FBXO11: variants seen among roughly 807,000 people sequenced by gnomAD.
FBXO11 encodes F-box protein 11.
Under a neutral mutation model 117.0 loss-of-function variants are expected in FBXO11, and 13 were observed. The observed-to-expected ratio is 0.11, with a 90% CI of 0.07 to 0.18. FBXO11 has a LOEUF of 0.18. Among genes scored for constraint, FBXO11 ranks in the 10% least tolerant of loss-of-function variants. FBXO11 has a pLI of 1.00. For synonymous variants in FBXO11, 490 were observed against 380.5 expected (o/e 1.29, Z -3.35); for missense variants, 767 against 1,164.4 (o/e 0.66, Z 4.97).
Position 47,807,382 on chromosome 2 carries a change from C to A in FBXO11, c.*736G>T. On this transcript the variant is annotated 3_prime_UTR_variant, in exon 23 of 23. Coordinates refer to ENST00000403359, the MANE Select transcript of FBXO11 (RefSeq NM_001190274.2). ...TCCTAGGAAGTCTCATTAAAACACTCACTTTTTCTAGGGGTGATTTTGAAT... is the reference window on the plus strand; with the variant it reads ...TCCTAGGAAGTCTCATTAAAACACTAACTTTTTCTAGGGGTGATTTTGAAT... 4.8e-6 allele frequency: 1 copy of A among 208,838 alleles called. No homozygotes were observed. Among genetic ancestry groups the A allele is most frequent in the Non-Finnish European group, 9.8e-6 (1 of 102,440 alleles). 12.9% of individuals were successfully genotyped at this position (208,838 alleles called of 1,614,324 possible).
intron 11 of FBXO11, among the ~76,000 whole-genome samples, chr2:47,830,418 G>A (rs116477327): frequency 4.6e-5 from 7 of 151,994 alleles, no homozygotes; most frequent in Non-Finnish European, 4.4e-5. Flanking sequence ...ACAAAACCTA[G>A]CCATACCAAG....
intron 1 of FBXO11, among the ~76,000 whole-genome samples, chr2:47,894,731 T>C (rs769170928): frequency 5.9e-5 from 9 of 152,210 alleles, no homozygotes; most frequent in Non-Finnish European, 8.8e-5. Flanking sequence ...AACTATTAAA[T>C]GTTTGTGTGT....
rs1346857741 is a variant in FBXO11, at chr2:47,819,089, G to GT, written c.1798-12dup. 3 of 1,610,390 alleles carry GT rather than the reference G, an allele frequency of 1.9e-6. No individual in the cohort carries two copies. Among genetic ancestry groups the GT allele is most frequent in the Non-Finnish European group, 2.5e-6 (3 of 1,177,592 alleles). On this transcript the variant is annotated splice_polypyrimidine_tract_variant and intron_variant, in intron 14 of 22. Transcript: ENST00000403359. ...TTGTCCCTTTTCATGCTAAATGAAA[G>GT]TTACACTGGTTATAATATTTATCTT...
At chr2:47,844,448 A>G (rs1175438420) in intron 1 of FBXO11, among the ~76,000 whole-genome samples, 2 of 152,144 alleles carry the variant, frequency 1.3e-5, no homozygotes, top group African/African-American at 2.4e-5. Flanking sequence ...TCCTATCCCC[A>G]TATGTGCAAT....
At chr2:47,817,732 GGACA>G (rs1299690583) in intron 16 of FBXO11, among the ~76,000 whole-genome samples, 1 of 152,204 alleles carries the variant, frequency 6.6e-6, no homozygotes, top group Non-Finnish European at 1.5e-5. Flanking sequence ...CTGAGGAGAG[GGACA>G]GAGATGGGAA....
chr2:47,822,212 G>T lies in FBXO11; in HGVS notation c.1702+6C>A. 1 of 1,566,304 alleles carries T rather than the reference G, an allele frequency of 6.4e-7. No individual in the cohort carries two copies. The highest frequency in any genetic ancestry group is 8.7e-7 in the Non-Finnish European group (1 of 1,149,910). ...TAAGTTTTATAGAACAAAACCATACGCTTACCATAAATGTCATTTCCTTCA... is the reference window on the plus strand; with the variant it reads ...TAAGTTTTATAGAACAAAACCATACTCTTACCATAAATGTCATTTCCTTCA... On this transcript the variant is annotated splice_donor_region_variant and intron_variant, in intron 13 of 22. Transcript: ENST00000403359.
chr2:47,880,509 T>G (rs1411159520), intron 1 of FBXO11, among the ~76,000 whole-genome samples: 1 of 152,218 alleles, frequency 6.6e-6, no homozygotes, highest in Non-Finnish European at 1.5e-5. Flanking sequence ...GAATGTCCAG[T>G]GTTTTAATTT....
intron 16 of FBXO11, 130 bp downstream of exon 16, chr2:47,818,648 AT>A (rs1185142380): frequency 1.5e-6 from 1 of 658,786 alleles, no homozygotes; most frequent in African/African-American, 1.9e-5. Flanking sequence ...AGTCAAGATT[AT>A]TTTAAGAATG....
intron 1 of FBXO11, among the ~76,000 whole-genome samples, chr2:47,879,147 T>C (rs1438319811): frequency 6.6e-6 from 1 of 152,212 alleles, no homozygotes. Context: ...TACAGCTGCA[T>C]GGTATTCCAT....
At chr2:47,901,584 G>C (rs1678305650) in intron 1 of FBXO11, among the ~76,000 whole-genome samples, 1 of 152,062 alleles carries the variant, frequency 6.6e-6, no homozygotes, top group African/African-American at 2.4e-5. Flanking sequence ...CCTATTCAAA[G>C]TAATTAATTT....
chr2:47,896,538 CAGGCAG>C (rs1558482414), intron 1 of FBXO11, among the ~76,000 whole-genome samples: 1 of 152,148 alleles, frequency 6.6e-6, no homozygotes, highest in South Asian at 2.1e-4. Flanking sequence ...CCATGTTGCC[CAGGCAG>C]GTCTCAAACT....
chr2:47,816,010 C>A (rs1441118568), intron 16 of FBXO11, among the ~76,000 whole-genome samples: 4 of 152,212 alleles, frequency 2.6e-5, no homozygotes, highest in Admixed American at 6.5e-5. Flanking sequence ...GTAGGGGGAA[C>A]CTTCAGCCCT....
intron 1 of FBXO11, among the ~76,000 whole-genome samples, chr2:47,862,145 G>C (rs1366659571): frequency 6.6e-6 from 1 of 151,876 alleles, no homozygotes; most frequent in African/African-American, 2.4e-5. Flanking sequence ...GGTCTCAAAC[G>C]CTTGACCTCA....
chr2:47,813,804 T>C lies in FBXO11; in HGVS notation c.2070A>G (p.Leu690=). Residue 690 remains leucine (L), a synonymous_variant, in exon 17 of 23, where the codon CTA becomes CTG. Coordinates refer to ENST00000403359, the MANE Select transcript of FBXO11 (RefSeq NM_001190274.2). ...GATTAAACATACCAGAATTATAAAC[T>C]AGAATTCCACCATTCTGTCCTCCCC... ...KIWGGQNGGI[L]VYNSGLGCIE... is the part of the protein sequence containing the mutation. The C allele has an allele frequency of 1.2e-6, 2 of 1,612,928 alleles. No individual in the cohort carries two copies. The highest frequency in any genetic ancestry group is 1.7e-6 in the Non-Finnish European group (2 of 1,178,994).
intron 1 of FBXO11, among the ~76,000 whole-genome samples, chr2:47,859,962 CCT>C (rs964623806): frequency 4.3e-4 from 66 of 152,228 alleles, no homozygotes; most frequent in Non-Finnish European, 8.4e-4. Flanking sequence ...GATTTTCCCC[CCT>C]TTCTTGCTGT....
chr2:47,822,362 T>C (rs1671452727), intron 12 of FBXO11, 59 bp from the exon 13 acceptor site: 7 of 1,084,756 alleles, frequency 6.5e-6, no homozygotes, highest in Admixed American at 2.3e-5. Flanking sequence ...TTACTTGTTT[T>C]ATACAACGGT....
intron 18 of FBXO11, 40 bp from the exon 19 acceptor site, chr2:47,810,466 T>A: frequency 7.8e-7 from 1 of 1,281,832 alleles, no homozygotes. Flanking sequence ...CTAATGCATA[T>A]AACAGACTAC....
rs570839049 is a variant in FBXO11, at chr2:47,894,448, A to C, written c.232+11041T>G. Reference sequence around the variant, plus strand: ...GGAGTAAGAAACAGGTTCCAAACTTAAGTGGAGAAACAAAATTACTTATCA... The same window carrying C: ...GGAGTAAGAAACAGGTTCCAAACTTCAGTGGAGAAACAAAATTACTTATCA... On this transcript the variant is annotated intron_variant, in intron 1 of 22. Coordinates refer to ENST00000403359, the MANE Select transcript of FBXO11 (RefSeq NM_001190274.2). 7.9e-5 allele frequency among the ~76,000 whole-genome samples: 12 copies of C among 152,364 alleles called. No homozygotes were observed. In the East Asian group the frequency reaches 2.3e-3, roughly 29 times the overall value.
intron 1 of FBXO11, among the ~76,000 whole-genome samples, chr2:47,880,524 A>C (rs534514772): frequency 7.2e-5 from 11 of 152,172 alleles, no homozygotes; most frequent in Non-Finnish European, 1.5e-4. Context: ...TAATTTATAA[A>C]ATTAAAAAAC....
Sources: allele counts gnomAD v4.1 joint callset (sites outside exome capture counted in the v4.1 genomes callset), GRCh38; gene constraint gnomAD v4.1.1; transcripts MANE v1.5; gene names NCBI Gene and HGNC (gene_info 2026-07-23, HGNC 2026-07-21).